DLG1: variants seen among roughly 807,000 people sequenced by gnomAD.
The protein encoded by DLG1 is discs large MAGUK scaffold protein 1, also known as disks large homolog 1.
Under a neutral mutation model 123.4 loss-of-function variants are expected in DLG1, and 42 were observed. The observed-to-expected ratio is 0.34, with a 90% CI of 0.27 to 0.44. DLG1 has a LOEUF of 0.44. DLG1 is among the 20% of genes least tolerant of loss of function. The probability of loss-of-function intolerance (pLI) is 1.00; values close to 1 mark genes in which losing one functional copy is unlikely to be tolerated. For missense variants in DLG1, 942 were observed against 1,082.6 expected, an observed-to-expected ratio of 0.87 and a Z score of 1.82; for synonymous variants, 317 against 356.2, an observed-to-expected ratio of 0.89 and a Z score of 1.24.
chr3:197,109,864 A>T (rs1285459104), intron 13 of DLG1, among the ~76,000 whole-genome samples: 1 of 152,212 alleles, frequency 6.6e-6, no homozygotes, highest in Non-Finnish European at 1.5e-5. Context: ...GAAATCAGCT[A>T]TTAACCTTGT....
In DLG1 at chr3:197,298,227, G is replaced by C. The variant is rs921342776; in HGVS notation, c.-32+309C>G. 85 of 328,368 alleles carry C rather than the reference G, an allele frequency of 2.6e-4. 1 individual carries two copies. In the East Asian group the frequency reaches 3.0e-3, roughly 12 times the overall value. The allele number at this position is 328,368 out of a possible 1,614,324, so 20.3% of individuals were successfully genotyped here. A position where few individuals can be genotyped will look rare whatever the true frequency, so the allele number is the denominator to read the frequency against. ...TCGCGCCGAGCCCCGGGCTCCCCGC[G>C]CTGCTACCTTCGGGTTGGAAGGGGG... On this transcript the variant is annotated intron_variant, in intron 1 of 24. Transcript: ENST00000667157.
At chr3:197,050,243 T>A (rs1726453663) in intron 24 of DLG1, among the ~76,000 whole-genome samples, 1 of 151,988 alleles carries the variant, frequency 6.6e-6, no homozygotes, top group Admixed American at 6.6e-5. Context: ...GGCAGCTGCC[T>A]GTAGTCCCAG....
intron 13 of DLG1, among the ~76,000 whole-genome samples, chr3:197,109,228 A>C (rs11921123): frequency 0.14 from 21,036 of 152,116 alleles, 1,628 homozygotes; most frequent in Middle Eastern, 0.16. Context: ...CAATTCAGCC[A>C]GGTGTAGTGG....
rs150131557 is a variant in DLG1, at chr3:197,108,173, C to T, written c.1444-3168G>A. ...GAATAAATTCCATTTGGTTATGGTACATCATCCTTGTTCATGCTGTTGGAT... is the reference window on the plus strand; with the variant it reads ...GAATAAATTCCATTTGGTTATGGTATATCATCCTTGTTCATGCTGTTGGAT... On this transcript the variant is annotated intron_variant, in intron 13 of 24. Coordinates refer to ENST00000667157, the MANE Select transcript of DLG1 (RefSeq NM_001366207.1). Among the ~76,000 whole-genome samples, 779 of 152,234 alleles carry T rather than the reference C, an allele frequency of 5.1e-3. 6 individuals carry two copies. The highest frequency in any genetic ancestry group is 0.018 in the African/African-American group (734 of 41,530).
chr3:197,293,308 T>G (rs1490880537), intron 3 of DLG1, among the ~76,000 whole-genome samples: 1 of 152,212 alleles, frequency 6.6e-6, no homozygotes, highest in African/African-American at 2.4e-5. Context: ...AATTCAAAAT[T>G]AGTAAAAACT....
rs1731201730 is a variant in DLG1 at position 197,211,423 on chromosome 3, C to T, written c.319-16834G>A. On this transcript the variant is annotated intron_variant, in intron 4 of 24. Transcript: ENST00000667157. ...TACTTAAAAACTGAATCCTGTAGCACATTAAAAAGCTAAACCGCCACAATC... is the reference window on the plus strand; with the variant it reads ...TACTTAAAAACTGAATCCTGTAGCATATTAAAAAGCTAAACCGCCACAATC... 1.4e-5 allele frequency among the ~76,000 whole-genome samples: 2 copies of T among 146,240 alleles called. 1 individual carries two copies. Among genetic ancestry groups the T allele is most frequent in the Non-Finnish European group, 3.1e-5 (2 of 65,250 alleles).
At chr3:197,151,304 T>C (rs1480870947) in intron 5 of DLG1, among the ~76,000 whole-genome samples, 1 of 152,206 alleles carries the variant, frequency 6.6e-6, no homozygotes, top group African/African-American at 2.4e-5. Flanking sequence ...CCTCTGCCGA[T>C]TTTTTACCAA....
At chr3:197,263,604 T>C (rs1760446168) in intron 4 of DLG1, among the ~76,000 whole-genome samples, 1 of 152,018 alleles carries the variant, frequency 6.6e-6, no homozygotes, top group African/African-American at 2.4e-5. Flanking sequence ...CTGGCCAACA[T>C]GGTGAAATCC....
chr3:197,260,335 G>A (rs1415451583), intron 4 of DLG1: 1 of 394,888 alleles, frequency 2.5e-6, no homozygotes, highest in Non-Finnish European at 4.9e-6. Flanking sequence ...ACTATTTTAA[G>A]TTGCCTAGTT....
intron 23 of DLG1, among the ~76,000 whole-genome samples, chr3:197,052,426 G>A (rs1728514983): frequency 6.6e-6 from 1 of 152,138 alleles, no homozygotes; most frequent in Non-Finnish European, 1.5e-5. Context: ...CTGCACTCCA[G>A]TCTGGGTGAC....
intron 24 of DLG1, among the ~76,000 whole-genome samples, chr3:197,048,045 G>A (rs1161228867): frequency 1.3e-5 from 2 of 152,128 alleles, no homozygotes; most frequent in Admixed American, 6.6e-5. Flanking sequence ...AAAATCATTA[G>A]CAAAATACCA....
intron 3 of DLG1, among the ~76,000 whole-genome samples, chr3:197,288,380 A>AG (rs1228243759): frequency 5.0e-4 from 73 of 146,492 alleles, no homozygotes; most frequent in Non-Finnish European, 7.9e-4. Flanking sequence ...AAAAAAAAAA[A>AG]AAGAAAAGAA....
chr3:197,129,924 G>A (rs1026391270), intron 11 of DLG1, among the ~76,000 whole-genome samples: 2 of 152,038 alleles, frequency 1.3e-5, no homozygotes, highest in Non-Finnish European at 2.9e-5. Context: ...AAAGACTAGT[G>A]ATCACATATT....
chr3:197,269,900 T>A (rs1193461560), intron 4 of DLG1, among the ~76,000 whole-genome samples: 1 of 152,192 alleles, frequency 6.6e-6, no homozygotes, highest in Non-Finnish European at 1.5e-5. Context: ...GTATTCATTT[T>A]AAAATATTAA....
At chr3:197,234,690 G>A (rs1479514150) in intron 4 of DLG1, among the ~76,000 whole-genome samples, 6 of 152,050 alleles carry the variant, frequency 3.9e-5, no homozygotes, top group African/African-American at 9.7e-5. Flanking sequence ...TTTATGCCCC[G>A]TAATTATGTA....
chr3:197,089,171 A>C (rs140760219), intron 15 of DLG1, among the ~76,000 whole-genome samples: 179 of 152,360 alleles, frequency 1.2e-3, no homozygotes, highest in African/African-American at 4.2e-3. Flanking sequence ...CTGGAGAATG[A>C]AACTAGGGGC....
chr3:197,207,132 A>C (rs1728949252), intron 4 of DLG1, among the ~76,000 whole-genome samples: 1 of 152,166 alleles, frequency 6.6e-6, no homozygotes, highest in Non-Finnish European at 1.5e-5. Context: ...TAAAATATTC[A>C]CTATCTGGTC....
At chr3:197,124,400 G>A (rs183728087) in intron 11 of DLG1, among the ~76,000 whole-genome samples, 2 of 151,816 alleles carry the variant, frequency 1.3e-5, no homozygotes, top group Admixed American at 1.3e-4. Flanking sequence ...TTAGCCTCCC[G>A]AGTAGTGGGG....
intron 4 of DLG1, among the ~76,000 whole-genome samples, chr3:197,258,347 T>TTA (rs1467085744): frequency 1.4e-5 from 2 of 147,108 alleles, no homozygotes; most frequent in African/African-American, 5.0e-5. Flanking sequence ...CAGTGATGGT[T>TTA]TAGTCATCAC....
Sources: allele counts gnomAD v4.1 joint callset (sites outside exome capture counted in the v4.1 genomes callset), GRCh38; gene constraint gnomAD v4.1.1; transcripts MANE v1.5; gene names NCBI Gene and HGNC (gene_info 2026-07-23, HGNC 2026-07-21).